CHRNA4: variants seen among roughly 807,000 people sequenced by gnomAD.
The protein encoded by CHRNA4 is neuronal acetylcholine receptor subunit alpha-4.
A neutral mutation model predicts 48.9 loss-of-function variants in CHRNA4; 28 were observed. The observed-to-expected ratio is 0.57, with a 90% CI of 0.42 to 0.79. The LOEUF (loss-of-function observed/expected upper bound fraction) is 0.79. Among genes scored for constraint, CHRNA4 ranks in the 30% least tolerant of loss-of-function variants. The pLI, the probability that CHRNA4 is intolerant of heterozygous loss-of-function variation, is 0.00. For missense variants in CHRNA4, 859 were observed against 898.4 expected, an observed-to-expected ratio of 0.96 and a Z score of 0.56; for synonymous variants, 425 against 402.3, an observed-to-expected ratio of 1.06 and a Z score of -0.68.
chr20:63,350,117 G>A lies in CHRNA4; in HGVS notation c.1294C>T (p.Gln432Ter), dbSNP rs1064793409. ...CKSPSDQLPPQQPLEAEKASP... is the reference protein window; with the variant it reads ...CKSPSDQLPP Reference sequence around the variant, plus strand: ...GCTTTCTCAGCTTCCAGGGGCTGCTGAGGAGGGAGCTGGTCGGAGGGTGAC... The same window carrying A: ...GCTTTCTCAGCTTCCAGGGGCTGCTAAGGAGGGAGCTGGTCGGAGGGTGAC... The change falls in exon 5 of 6, where the codon CAG (glutamine) becomes TAG (stop). Residue 432 changes from glutamine (Q) to a stop codon, truncating the protein, a stop_gained. Coordinates refer to ENST00000370263, the MANE Select transcript of CHRNA4 (RefSeq NM_000744.7). LOFTEE classifies it high-confidence loss of function. 6.4e-7 allele frequency: 1 copy of A among 1,552,130 alleles called. No homozygotes were observed. Among genetic ancestry groups the A allele is most frequent in the Non-Finnish European group, 8.7e-7 (1 of 1,146,682 alleles).
At chr20:63,358,591 T>C (rs1375649520) in intron 2 of CHRNA4, among the ~76,000 whole-genome samples, 2 of 152,148 alleles carry the variant, frequency 1.3e-5, no homozygotes, top group African/African-American at 2.4e-5. Context: ...CGGACTTCAG[T>C]GTGGAAGACG....
rs1271535431 is a variant in CHRNA4, at chr20:63,344,231, T to G, written c.*2507A>C. ...ACATCAAAGGCTCCAACTGCAGGAT[T>G]CTGACTCCTCGAAGGTCGTGAGCCG... On this transcript the variant is annotated 3_prime_UTR_variant, in exon 6 of 6. Coordinates refer to ENST00000370263, the MANE Select transcript of CHRNA4 (RefSeq NM_000744.7). This position sits in a 1 kb window ranked among gnomAD's most constrained non-coding sequence, Gnocchi z 4.5. 1 of 453,850 alleles carries G rather than the reference T, an allele frequency of 2.2e-6. No individual in the cohort carries two copies. Among genetic ancestry groups the G allele is most frequent in the Non-Finnish European group, 4.4e-6 (1 of 226,742 alleles). 28.1% of individuals were successfully genotyped at this position (453,850 alleles called of 1,614,324 possible). A position where few individuals can be genotyped will look rare whatever the true frequency, so the allele number is the denominator to read the frequency against.
intron 4 of CHRNA4, chr20:63,355,524 C>G: frequency 1.5e-6 from 2 of 1,291,086 alleles, no homozygotes; most frequent in Non-Finnish European, 2.0e-6. Flanking sequence ...GCAGTCCACA[C>G]TATTCTCCCA....
At chr20:63,359,475 T>C in intron 2 of CHRNA4, 73 bp downstream of exon 2, 1 of 1,590,944 alleles carries the variant, frequency 6.3e-7, no homozygotes, top group Non-Finnish European at 8.6e-7. Flanking sequence ...GTGTCCCCTC[T>C]GCCCACCCAG....
In CHRNA4 at chr20:63,350,101, G is replaced by A. The variant is rs201874228; in HGVS notation, c.1310C>T (p.Ala437Val). 16 of 1,533,642 alleles carry A rather than the reference G, an allele frequency of 1.0e-5. No homozygotes were observed. In the East Asian group the frequency reaches 3.5e-4, roughly 34 times the overall value. ...CGAGGGGTGGGGGCTGGCTTTCTCA[G>A]CTTCCAGGGGCTGCTGAGGAGGGAG... ...DQLPPQQPLE[A>V]EKASPHPSPG... The change falls in exon 5 of 6, where the codon GCT (alanine) becomes GTT (valine). Residue 437 changes from alanine to valine, a missense_variant. By Grantham distance (64) the Ala-to-Val change is moderately conservative. Transcript: ENST00000370263.
chr20:63,347,064 G>C, intron 5 of CHRNA4: 1 of 713,256 alleles, frequency 1.4e-6, no homozygotes, highest in Non-Finnish European at 2.4e-6. Context: ...TCTGCGGGGG[G>C]CATCATCACC....
At chr20:63,359,884 T>TGCAC in intron 1 of CHRNA4, 185 bp from the exon 2 acceptor site, 3 of 571,946 alleles carry the variant, frequency 5.2e-6, no homozygotes, top group Middle Eastern at 4.8e-4. Flanking sequence ...TGTGTGTGTG[T>TGCAC]GCCGGGCGTG....
At chr20:63,352,955 G>A (rs371271431) in intron 4 of CHRNA4, among the ~76,000 whole-genome samples, 6 of 142,992 alleles carry the variant, frequency 4.2e-5, no homozygotes, top group South Asian at 2.6e-4. Context: ...TGAACCACCC[G>A]GCCGTGAGCC....
intron 2 of CHRNA4, 128 bp from the exon 3 acceptor site, chr20:63,356,543 G>T (rs2068721834): frequency 2.0e-6 from 2 of 994,152 alleles, no homozygotes; most frequent in East Asian, 2.6e-5. Context: ...GGCGACCTGT[G>T]GAGGGGGTGA....
chr20:63,356,991 C>CTGA (rs768205738), intron 2 of CHRNA4, among the ~76,000 whole-genome samples: 5 of 15,860 alleles, frequency 3.2e-4, no homozygotes, highest in Non-Finnish European at 1.3e-3. Flanking sequence ...CACGTCCCCA[C>CTGA]CGACCACATC....
At chr20:63,348,372 ACC>A (rs1438380058) in intron 5 of CHRNA4, among the ~76,000 whole-genome samples, 1 of 152,164 alleles carries the variant, frequency 6.6e-6, no homozygotes, top group Non-Finnish European at 1.5e-5. Context: ...TGCTCTCGTG[ACC>A]CCAGAATGTT....
intron 1 of CHRNA4, among the ~76,000 whole-genome samples, chr20:63,360,371 G>C (rs1472626935): frequency 6.6e-6 from 1 of 152,184 alleles, no homozygotes; most frequent in African/African-American, 2.4e-5. Flanking sequence ...CAGCCTGCCC[G>C]TGCTGTTGGG....
chr20:63,346,188 C>A lies in CHRNA4; in HGVS notation c.*550G>T, dbSNP rs200306139. 26 of 454,098 alleles carry A rather than the reference C, an allele frequency of 5.7e-5. No individual in the cohort carries two copies. The East Asian group carries it at 1.6e-3, about 28-fold the overall frequency. 28.1% of individuals were successfully genotyped at this position (454,098 alleles called of 1,614,324 possible). ...AATCCCTGCCTGGACCCTCTCCTAG[C>A]GAAGCAGATTGGAGCGCTGCTGGCT... On this transcript the variant is annotated 3_prime_UTR_variant, in exon 6 of 6. Coordinates refer to ENST00000370263, the MANE Select transcript of CHRNA4 (RefSeq NM_000744.7).
At chr20:63,359,456 T>C (rs1168383038) in intron 2 of CHRNA4, 92 bp downstream of exon 2, 3 of 1,523,822 alleles carry the variant, frequency 2.0e-6, no homozygotes, top group African/African-American at 1.4e-5. Context: ...ACGGGGAGTG[T>C]TGATGGCTGT....
At position 63,361,155 on chromosome 20, in the gene CHRNA4, C is replaced by T; in HGVS notation, c.11G>A (p.Gly4Glu). The change falls in exon 1 of 6, where the codon GGG becomes GAG. Residue 4 changes from glycine to glutamate, a missense_variant. By Grantham distance (98) the Gly-to-Glu change is moderately conservative. Coordinates refer to ENST00000370263, the MANE Select transcript of CHRNA4 (RefSeq NM_000744.7). MEL[G>E]GPGAPRLLPP... is the part of the protein sequence containing the mutation. Reference sequence around the variant, plus strand: ...CAGCAGCCGCGGCGCTCCGGGGCCCCCTAGCTCCATGGCGCACGCACCTCG... The same window carrying T: ...CAGCAGCCGCGGCGCTCCGGGGCCCTCTAGCTCCATGGCGCACGCACCTCG... The T allele has an allele frequency of 2.0e-6, 3 of 1,480,798 alleles. No homozygotes were observed. The highest frequency in any genetic ancestry group is 1.3e-5 in the South Asian group (1 of 78,502). The allele number at this position is 1,480,798 out of a possible 1,614,324, so 91.7% of individuals were successfully genotyped here.
chr20:63,353,102 C>A (rs999431791), intron 4 of CHRNA4, among the ~76,000 whole-genome samples: 13 of 152,236 alleles, frequency 8.5e-5, no homozygotes, highest in Admixed American at 2.0e-4. Context: ...ACCCCGACCC[C>A]AGTCCAGGTC....
chr20:63,360,710 C>A (rs1195997679), intron 1 of CHRNA4, among the ~76,000 whole-genome samples: 1 of 152,214 alleles, frequency 6.6e-6, no homozygotes, highest in Non-Finnish European at 1.5e-5. Flanking sequence ...CCCTCTGATC[C>A]CCTAAACCGG....
At chr20:63,353,504 G>T (rs1209018828) in intron 4 of CHRNA4, among the ~76,000 whole-genome samples, 2 of 125,396 alleles carry the variant, frequency 1.6e-5, no homozygotes, top group Admixed American at 7.6e-5. Flanking sequence ...GTCCTAGGGG[G>T]GGCTGCGGTC....
At position 63,356,367 on chromosome 20, in the gene CHRNA4, T is replaced by A. The variant is rs543618377; in HGVS notation, c.273+4A>T. On this transcript the variant is annotated splice_donor_region_variant and intron_variant, in intron 3 of 5. Coordinates refer to ENST00000370263, the MANE Select transcript of CHRNA4 (RefSeq NM_000744.7). The stretch of plus-strand genomic sequence containing the variant: ...GTGGGGCAGGGCAGTGCCCTCCCAC[T>A]CACCTGCTTCACCCATACGTTCGTG... The A allele has an allele frequency of 1.9e-6, 3 of 1,588,826 alleles. No individual in the cohort carries two copies. In the East Asian group the frequency reaches 6.8e-5, roughly 36 times the overall value.
Sources: allele counts gnomAD v4.1 joint callset (sites outside exome capture counted in the v4.1 genomes callset), GRCh38; gene constraint gnomAD v4.1.1; non-coding constraint Gnocchi (gnomAD v3.1); transcripts MANE v1.5; gene names NCBI Gene and HGNC (gene_info 2026-07-23, HGNC 2026-07-21).